AHRR: variants seen among roughly 807,000 people sequenced by gnomAD.
AHRR encodes the protein aryl hydrocarbon receptor repressor.
Under a neutral mutation model 44.0 loss-of-function variants are expected in AHRR, and 28 were observed. The observed-to-expected ratio is 0.64, with a 90% confidence interval of 0.47 to 0.87. The LOEUF (loss-of-function observed/expected upper bound fraction) is 0.87, where lower values mean the gene tolerates loss of function less well. Ranked by LOEUF, AHRR falls within the 40% of genes least tolerant of loss-of-function variation. The pLI is 0.00. For missense variants in AHRR, 990 were observed against 953.9 expected (o/e 1.04, Z -0.50); for synonymous variants, 434 against 407.0 (o/e 1.07, Z -0.80).
chr5:413,300 G>T (rs776731799), intron 4 of AHRR, 44 bp from the exon 5 acceptor site: 2 of 1,397,158 alleles, frequency 1.4e-6, no homozygotes, highest in Non-Finnish European at 2.0e-6. Context: ...TTCATTTTGG[G>T]TGAGCCAATT....
At position 434,439 on chromosome 5, in the gene AHRR, C is replaced by T. The variant is rs1449581515; in HGVS notation, c.1699C>T (p.Pro567Ser). ...TGACAGGAGCCACCCAGCCACCTTC[C>T]CTACCAGGATGCACCTGAAAACAGA... ...ASDRSHPATF[P>S]TRMHLKTEPD... The change falls in exon 11 of 11, where the codon CCT becomes TCT. Residue 567 changes from proline (P) to serine (S), a missense_variant. Physicochemically the swap from Pro to Ser is moderately conservative, Grantham distance 74 (BLOSUM62 -1). Transcript: ENST00000684583. 6.2e-7 allele frequency: 1 copy of T among 1,613,370 alleles called. No individual in the cohort carries two copies. The highest frequency in any genetic ancestry group is 8.5e-7 in the Non-Finnish European group (1 of 1,180,010).
chr5:413,035 C>A (rs1348603481), intron 4 of AHRR, among the ~76,000 whole-genome samples: 1 of 152,078 alleles, frequency 6.6e-6, no homozygotes, highest in African/African-American at 2.4e-5. Context: ...GAAACGTCTG[C>A]AGAGGAAAAC....
chr5:370,114 A>C lies in AHRR; in HGVS notation c.245-6496A>C, dbSNP rs1160618644. Among the ~76,000 whole-genome samples, 1 of 128,508 alleles carries C rather than the reference A, an allele frequency of 7.8e-6. No homozygotes were observed. The highest frequency in any genetic ancestry group is 3.1e-5 in the African/African-American group (1 of 32,210). The allele number at this position is 128,508 out of a possible 152,430, so 84.3% of individuals were successfully genotyped here. Reference sequence around the variant, plus strand: ...CCCGTCCTCCCGGGCCCTCGCTGGAAGCCCCGTCCTCCCGGGCCCTCGCTG... The same window carrying C: ...CCCGTCCTCCCGGGCCCTCGCTGGACGCCCCGTCCTCCCGGGCCCTCGCTG... On this transcript the variant is annotated intron_variant, in intron 3 of 10. Coordinates refer to ENST00000684583, the MANE Select transcript of AHRR (RefSeq NM_001377236.1). The surrounding 1 kb of genome is among the most constrained non-coding windows in gnomAD (Gnocchi z 4.5).
At chr5:392,747 C>G (rs1734525905) in intron 4 of AHRR, among the ~76,000 whole-genome samples, 1 of 152,148 alleles carries the variant, frequency 6.6e-6, no homozygotes, top group South Asian at 2.1e-4. Context: ...CTCTTCAGAC[C>G]TGGCTCATTT....
rs543885744 is a variant in AHRR, at chr5:432,879, C to T, written c.1044C>T (p.Pro348=). 2.7e-5 allele frequency: 44 copies of T among 1,613,700 alleles called. No individual in the cohort carries two copies. In the Admixed American group the frequency reaches 3.7e-4, roughly 13 times the overall value. ...QTDAGRWAQV[P]ARAPCLCLRG... is the part of the protein sequence containing the mutation. The stretch of plus-strand genomic sequence containing the variant: ...ACGCTGGCCGATGGGCACAGGTTCC[C>T]GCCAGGGCCCCATGCCTGTGCCTCC... Residue 348 remains proline (P), a synonymous_variant, in exon 10 of 11, where the codon CCC becomes CCT. Coordinates refer to ENST00000684583, the MANE Select transcript of AHRR (RefSeq NM_001377236.1).
chr5:361,913 A>C (rs879740320), intron 3 of AHRR, among the ~76,000 whole-genome samples: 1 of 152,158 alleles, frequency 6.6e-6, no homozygotes, highest in Non-Finnish European at 1.5e-5. Flanking sequence ...ATGGGTTAAG[A>C]CGTTTGGGGC....
intron 1 of AHRR, among the ~76,000 whole-genome samples, chr5:339,733 T>A (rs974905584): frequency 1.3e-5 from 2 of 152,270 alleles, no homozygotes; most frequent in East Asian, 3.9e-4. Flanking sequence ...TGATGAGAGG[T>A]TTTTTTGGAA....
intron 8 of AHRR, among the ~76,000 whole-genome samples, chr5:430,914 A>T (rs555733590): frequency 6.6e-6 from 1 of 152,228 alleles, no homozygotes; most frequent in Non-Finnish European, 1.5e-5. Flanking sequence ...GGAACATAGA[A>T]TTCTAAAGGG....
At chr5:415,014 C>A (rs1033565883) in intron 5 of AHRR, among the ~76,000 whole-genome samples, 1 of 152,246 alleles carries the variant, frequency 6.6e-6, no homozygotes, top group Non-Finnish European at 1.5e-5. Context: ...GGCTGAGAGC[C>A]AGACCCTCAG....
intron 4 of AHRR, among the ~76,000 whole-genome samples, chr5:389,519 C>A (rs1734316857): frequency 6.6e-6 from 1 of 152,168 alleles, no homozygotes; most frequent in Non-Finnish European, 1.5e-5. Context: ...TGCTGCTGAA[C>A]AGTCGAGGAG....
At chr5:328,996 G>A (rs1741824751) in intron 1 of AHRR, among the ~76,000 whole-genome samples, 1 of 152,144 alleles carries the variant, frequency 6.6e-6, no homozygotes, top group Non-Finnish European at 1.5e-5. Flanking sequence ...ATCCTCAGGT[G>A]TTTAGGGAGA....
At chr5:409,962 G>T (rs1462475959) in intron 4 of AHRR, among the ~76,000 whole-genome samples, 1 of 152,146 alleles carries the variant, frequency 6.6e-6, no homozygotes, top group Non-Finnish European at 1.5e-5. Context: ...TGAAATAGGA[G>T]TTGGGGTTCA....
At chr5:368,043 G>A (rs1049147175) in intron 3 of AHRR, 1 of 641,842 alleles carries the variant, frequency 1.6e-6, no homozygotes, top group Non-Finnish European at 2.9e-6. Context: ...CCATATGGGT[G>A]TTAGTTGTAA....
At chr5:429,254 G>A (rs558779684) in intron 8 of AHRR, among the ~76,000 whole-genome samples, 18 of 150,936 alleles carry the variant, frequency 1.2e-4, no homozygotes, top group African/African-American at 3.9e-4. Context: ...CAGGAGTGAG[G>A]TAGGGCTGGG....
chr5:372,955 C>T (rs2126433745), intron 3 of AHRR, among the ~76,000 whole-genome samples: 1 of 152,306 alleles, frequency 6.6e-6, no homozygotes, highest in Middle Eastern at 3.4e-3. Flanking sequence ...AGCCTGAGCC[C>T]CCAAGGGAGC....
At chr5:393,836 C>T (rs993438230) in intron 4 of AHRR, among the ~76,000 whole-genome samples, 2 of 152,168 alleles carry the variant, frequency 1.3e-5, no homozygotes, top group Non-Finnish European at 2.9e-5. Context: ...TGGGGTTTCA[C>T]CATGTTGGCC....
chr5:405,956 T>C lies in AHRR; in HGVS notation c.352-7388T>C, dbSNP rs527938393. On this transcript the variant is annotated intron_variant, in intron 4 of 10. Coordinates refer to ENST00000684583, the MANE Select transcript of AHRR (RefSeq NM_001377236.1). This position sits in a 1 kb window ranked among gnomAD's most constrained non-coding sequence, Gnocchi z 4.5. ...CGTCCAGGGAAGAACACGCAGCCTC[T>C]GGTTTGAACTGGACCCTGGGTAGCA... Among the ~76,000 whole-genome samples the C allele has an allele frequency of 6.6e-6, 1 of 152,336 alleles. No homozygotes were observed. Among genetic ancestry groups the C allele is most frequent in the Non-Finnish European group, 1.5e-5 (1 of 68,028 alleles).
intron 4 of AHRR, among the ~76,000 whole-genome samples, chr5:398,857 A>G (rs1734885432): frequency 6.6e-6 from 1 of 152,158 alleles, no homozygotes; most frequent in Non-Finnish European, 1.5e-5. Context: ...CCCTGGCTCC[A>G]GCAGCCGCCC....
rs1045972155 is a variant in AHRR, at chr5:388,801, C to T, written c.351+12085C>T. Among the ~76,000 whole-genome samples the T allele has an allele frequency of 3.9e-5, 6 of 152,156 alleles. No individual in the cohort carries two copies. Among genetic ancestry groups the T allele is most frequent in the Admixed American group, 6.5e-5 (1 of 15,280 alleles). On this transcript the variant is annotated intron_variant, in intron 4 of 10. Coordinates refer to ENST00000684583, the MANE Select transcript of AHRR (RefSeq NM_001377236.1). This position sits in a 1 kb window ranked among gnomAD's most constrained non-coding sequence, Gnocchi z 5.2. ...AAGCCACTGGGCAGAGGTTCCGTCC[C>T]GCTGGCTGGATGGAAACAGGAAGCT...
Sources: gnomAD v4.1 joint callset for allele counts (sites outside exome capture counted in the v4.1 genomes callset) on GRCh38, gnomAD v4.1.1 for gene constraint, Gnocchi (gnomAD v3.1) non-coding constraint, MANE v1.5 for transcripts, NCBI Gene and HGNC (gene_info 2026-07-23, HGNC 2026-07-21) for gene names.